The following NIM1K variants were observed in gnomAD, a reference collection of about 807,000 sequenced individuals.
NIM1K encodes the protein NIM1 serine/threonine protein kinase.
A neutral mutation model predicts 37.1 loss-of-function variants in NIM1K; 35 were observed. The ratio of observed to expected loss-of-function variants is 0.94; its 90% CI spans 0.72 to 1.25. NIM1K has a LOEUF of 1.25. Ranked by LOEUF, NIM1K falls within the 50% of genes most tolerant of loss-of-function variation. The pLI, the probability that NIM1K is intolerant of heterozygous loss-of-function variation, is 0.00. For missense variants in NIM1K, 564 were observed against 548.0 expected, an observed-to-expected ratio of 1.03 and a Z score of -0.29; for synonymous variants, 234 against 206.6, an observed-to-expected ratio of 1.13 and a Z score of -1.14.
intron 1 of NIM1K, among the ~76,000 whole-genome samples, chr5:43,211,115 T>C (rs1752198260): frequency 6.6e-6 from 1 of 152,076 alleles, no homozygotes; most frequent in Non-Finnish European, 1.5e-5. Flanking sequence ...AAGGTTGCAG[T>C]GAGCCGAGAT....
intron 1 of NIM1K, among the ~76,000 whole-genome samples, chr5:43,237,554 C>T (rs78814121): frequency 0.018 from 2,695 of 152,226 alleles, 44 homozygotes; most frequent in Middle Eastern, 0.048. Context: ...TGATCACTTC[C>T]GTTATTTGCT....
chr5:43,200,722 AGT>A (rs1290791317), intron 1 of NIM1K, among the ~76,000 whole-genome samples: 1 of 152,220 alleles, frequency 6.6e-6, no homozygotes, highest in African/African-American at 2.4e-5. Context: ...GAGAGGAATG[AGT>A]GTGAATTGAC....
intron 1 of NIM1K, among the ~76,000 whole-genome samples, chr5:43,196,592 G>A (rs1052257607): frequency 2.6e-5 from 4 of 151,880 alleles, no homozygotes; most frequent in Admixed American, 1.3e-4. Context: ...CCGAGATCGC[G>A]CCACTGCACT....
intron 2 of NIM1K, among the ~76,000 whole-genome samples, chr5:43,257,890 T>C (rs561670013): frequency 6.6e-6 from 1 of 152,148 alleles, no homozygotes; most frequent in South Asian, 2.1e-4. Flanking sequence ...CAAGACCCTG[T>C]CTTTAAAACC....
chr5:43,274,859 T>A (rs1463086900), intron 2 of NIM1K, among the ~76,000 whole-genome samples: 1 of 152,224 alleles, frequency 6.6e-6, no homozygotes, highest in Non-Finnish European at 1.5e-5. Flanking sequence ...AGTGCTAAAG[T>A]TTTTCAAAGC....
At chr5:43,233,806 A>G (rs1293487690) in intron 1 of NIM1K, among the ~76,000 whole-genome samples, 1 of 152,228 alleles carries the variant, frequency 6.6e-6, no homozygotes. Flanking sequence ...CGTTTCCTAA[A>G]TTAGTTATTT....
At chr5:43,193,827 C>A (rs1751868600) in intron 1 of NIM1K, among the ~76,000 whole-genome samples, 1 of 152,118 alleles carries the variant, frequency 6.6e-6, no homozygotes, top group Non-Finnish European at 1.5e-5. Context: ...CTGAAGAAGT[C>A]GCCCTGCTCT....
chr5:43,257,210 AT>A (rs1752959742), intron 2 of NIM1K, among the ~76,000 whole-genome samples: 1 of 152,040 alleles, frequency 6.6e-6, no homozygotes, highest in South Asian at 2.1e-4. Flanking sequence ...TGAAAAAGGT[AT>A]TTTTAAGAGG....
chr5:43,217,468 A>G (rs1752316782), intron 1 of NIM1K, among the ~76,000 whole-genome samples: 1 of 151,644 alleles, frequency 6.6e-6, no homozygotes, highest in Non-Finnish European at 1.5e-5. Context: ...GCAAAAAAAA[A>G]AAAAAAAAAA....
chr5:43,217,698 T>A lies in NIM1K; in HGVS notation c.-695+25287T>A, dbSNP rs897552654. On this transcript the variant is annotated intron_variant, in intron 1 of 3. Transcript: ENST00000326035. ...TTCTTTGGAGAAATGTCTATTCAGATCCTCTGTCTATTTTTTTTTTTTTTT... is the reference window on the plus strand; with the variant it reads ...TTCTTTGGAGAAATGTCTATTCAGAACCTCTGTCTATTTTTTTTTTTTTTT... Among the ~76,000 whole-genome samples the A allele has an allele frequency of 2.7e-5, 4 of 147,060 alleles. No homozygotes were observed. In the East Asian group the frequency reaches 8.1e-4, roughly 30 times the overall value.
chr5:43,265,917 C>G (rs575011817), intron 2 of NIM1K, among the ~76,000 whole-genome samples: 1 of 152,318 alleles, frequency 6.6e-6, no homozygotes, highest in Admixed American at 6.5e-5. Context: ...CTGGGTATCA[C>G]CAGCAGAGGC....
chr5:43,270,337 A>G (rs1309850806), intron 2 of NIM1K, among the ~76,000 whole-genome samples: 1 of 152,226 alleles, frequency 6.6e-6, no homozygotes, highest in African/African-American at 2.4e-5. Context: ...ATATGAGAGT[A>G]GATGGAATCT....
chr5:43,193,140 G>C (rs1305008542), intron 1 of NIM1K: 1 of 152,166 alleles, frequency 6.6e-6, no homozygotes, highest in Non-Finnish European at 1.5e-5. Context: ...ACCAGGAAAA[G>C]ATCGCAACCG....
chr5:43,228,350 G>T (rs543744756), intron 1 of NIM1K, among the ~76,000 whole-genome samples: 5 of 151,918 alleles, frequency 3.3e-5, no homozygotes, highest in African/African-American at 1.2e-4. Context: ...GTTTCACCGT[G>T]TTAGCCAGGA....
intron 1 of NIM1K, among the ~76,000 whole-genome samples, chr5:43,214,337 A>C (rs1752266780): frequency 6.6e-6 from 1 of 152,194 alleles, no homozygotes; most frequent in African/African-American, 2.4e-5. Context: ...CACACCCAGA[A>C]GTATACATGG....
chr5:43,276,042 C>T (rs978663601), intron 2 of NIM1K, among the ~76,000 whole-genome samples: 3 of 151,856 alleles, frequency 2.0e-5, no homozygotes, highest in Admixed American at 6.6e-5. Context: ...GCACAGGTGC[C>T]TGCCACCGGG....
chr5:43,224,262 G>C (rs750417510), intron 1 of NIM1K, among the ~76,000 whole-genome samples: 6 of 151,892 alleles, frequency 4.0e-5, no homozygotes, highest in Non-Finnish European at 7.4e-5. Context: ...AACACCCCCA[G>C]TCGAAGTGTC....
At chr5:43,231,793 C>T (rs1237432585) in intron 1 of NIM1K, 2 of 1,216,462 alleles carry the variant, frequency 1.6e-6, no homozygotes, top group Non-Finnish European at 2.3e-6. Flanking sequence ...AAAAGCAGCA[C>T]CTTTGTGACG....
chr5:43,277,375 G>A (rs1753361355), intron 3 of NIM1K, 50 bp downstream of exon 3: 2 of 1,576,878 alleles, frequency 1.3e-6, no homozygotes, highest in Non-Finnish European at 1.7e-6. Flanking sequence ...ACTGACACTG[G>A]GAGCACAGGG....
Sources: gnomAD v4.1 joint callset for allele counts (sites outside exome capture counted in the v4.1 genomes callset) on GRCh38, gnomAD v4.1.1 for gene constraint, MANE v1.5 for transcripts, NCBI Gene and HGNC (gene_info 2026-07-23, HGNC 2026-07-21) for gene names.